The following PIP5K1A variants were observed in gnomAD, a reference collection of about 807,000 sequenced individuals.
The protein encoded by PIP5K1A is phosphatidylinositol 4-phosphate 5-kinase type-1 alpha.
In PIP5K1A, 46 loss-of-function variants were observed where a neutral mutation model predicts 72.9. The observed-to-expected ratio is 0.63, with a 90% CI of 0.50 to 0.81. PIP5K1A has a LOEUF of 0.81. Among genes scored for constraint, PIP5K1A ranks in the 30% least tolerant of loss-of-function variants. The probability of loss-of-function intolerance (pLI) is 0.00; values close to 1 mark genes in which losing one functional copy is unlikely to be tolerated. For missense variants in PIP5K1A, 458 were observed against 706.1 expected (o/e 0.65, Z 3.98); for synonymous variants, 228 against 255.1 (o/e 0.89, Z 1.01).
chr1:151,239,160 A>G lies in PIP5K1A; in HGVS notation c.1260A>G (p.Lys420=), dbSNP rs1403251880. The change falls in exon 11 of 16, where the codon AAA becomes AAG. Residue 420 remains lysine (K), a synonymous_variant. Transcript: ENST00000368888. Reference sequence around the variant, plus strand: ...TTAAGAAGTTGGAGCACTCTTGGAAAGCCCTGGTACATGACGGAGTAAGTA... The same window carrying G: ...TTAAGAAGTTGGAGCACTCTTGGAAGGCCCTGGTACATGACGGAGTAAGTA... ...RFVKKLEHSW[K]ALVHDGDTVS... 1.2e-6 allele frequency: 2 copies of G among 1,610,642 alleles called. No homozygotes were observed. Among genetic ancestry groups the G allele is most frequent in the Non-Finnish European group, 1.7e-6 (2 of 1,176,914 alleles).
chr1:151,241,468 C>T (rs977143681), intron 12 of PIP5K1A, among the ~76,000 whole-genome samples: 25 of 151,562 alleles, frequency 1.6e-4, no homozygotes, highest in Non-Finnish European at 3.0e-4. Context: ...GGCACCACTG[C>T]ACTCCAGCCT....
chr1:151,240,089 T>C (rs769072298), intron 12 of PIP5K1A, 50 bp downstream of exon 12: 2 of 1,334,792 alleles, frequency 1.5e-6, no homozygotes, highest in South Asian at 2.3e-5. Flanking sequence ...GTGGCTCCCT[T>C]ACCCCAAGAG....
chr1:151,201,837 G>C (rs1035003995), intron 1 of PIP5K1A, among the ~76,000 whole-genome samples: 2 of 152,062 alleles, frequency 1.3e-5, no homozygotes, highest in African/African-American at 4.8e-5. Context: ...ACTCCAGTCT[G>C]GGTGACAGAG....
At chr1:151,236,218 A>G (rs587669511) in intron 8 of PIP5K1A, among the ~76,000 whole-genome samples, 36 of 151,954 alleles carry the variant, frequency 2.4e-4, no homozygotes, top group Admixed American at 2.1e-3. Flanking sequence ...GGTGGCTCAT[A>G]CCAATAGTCC....
chr1:151,235,344 A>G (rs895326508), intron 8 of PIP5K1A, among the ~76,000 whole-genome samples: 2 of 152,052 alleles, frequency 1.3e-5, no homozygotes, highest in Non-Finnish European at 2.9e-5. Context: ...TGGCCTCCCA[A>G]AGTGCTAGGA....
At chr1:151,207,195 A>G (rs1393756145) in intron 1 of PIP5K1A, among the ~76,000 whole-genome samples, 1 of 152,192 alleles carries the variant, frequency 6.6e-6, no homozygotes, top group Non-Finnish European at 1.5e-5. Context: ...TTAATCCAGC[A>G]GAATTCATTG....
chr1:151,241,298 G>A (rs919439850), intron 12 of PIP5K1A, among the ~76,000 whole-genome samples: 8 of 152,200 alleles, frequency 5.3e-5, no homozygotes, highest in African/African-American at 1.9e-4. Flanking sequence ...TCCGGAGATT[G>A]AGACCATCCT....
chr1:151,242,212 C>T lies in PIP5K1A; in HGVS notation c.1453C>T (p.Pro485Ser), dbSNP rs766621452. ...SSGNSCITYQ[P>S]SVSGEHKAQV... ...TGGCAACTCCTGCATTACTTACCAG[C>T]CATCGGTCTCTGGGGAACACAAGGC... Residue 485 changes from proline to serine, a missense_variant, in exon 13 of 16, where the codon CCA (proline) becomes TCA (serine). Coordinates refer to ENST00000368888, the MANE Select transcript of PIP5K1A (RefSeq NM_001135638.2). 5.0e-6 allele frequency: 8 copies of T among 1,613,970 alleles called. No individual in the cohort carries two copies. Among genetic ancestry groups the T allele is most frequent in the South Asian group, 1.1e-5 (1 of 91,080 alleles).
At chr1:151,214,545 T>C (rs1403080093) in intron 1 of PIP5K1A, among the ~76,000 whole-genome samples, 4 of 151,944 alleles carry the variant, frequency 2.6e-5, no homozygotes, top group African/African-American at 9.7e-5. Flanking sequence ...CATGTCCAGC[T>C]AATTTTTGTG....
chr1:151,215,152 TC>T (rs1687404557), intron 1 of PIP5K1A, among the ~76,000 whole-genome samples: 1 of 149,570 alleles, frequency 6.7e-6, no homozygotes, highest in African/African-American at 2.5e-5. Context: ...TGCCTCAGCC[TC>T]CCGAGTAGCT....
chr1:151,223,975 A>T, intron 1 of PIP5K1A: 1 of 525,430 alleles, frequency 1.9e-6, no homozygotes, highest in Non-Finnish European at 3.4e-6. Context: ...CTCAAAAAAA[A>T]AGAAAAAGTT....
Position 151,248,689 on chromosome 1 carries a change from A to T in PIP5K1A, c.*824A>T, listed in dbSNP as rs1571052606. 6.6e-6 allele frequency: 1 copy of T among 152,654 alleles called. No individual in the cohort carries two copies. Among genetic ancestry groups the T allele is most frequent in the African/African-American group, 2.4e-5 (1 of 41,468 alleles). The allele number at this position is 152,654 out of a possible 1,614,324, so 9.5% of individuals were successfully genotyped here. A position where few individuals can be genotyped will look rare whatever the true frequency, so the allele number is the denominator to read the frequency against. On this transcript the variant is annotated 3_prime_UTR_variant, in exon 16 of 16. Coordinates refer to ENST00000368888, the MANE Select transcript of PIP5K1A (RefSeq NM_001135638.2). ...GGGCTGGGAGATCATAGCCCTTCCT[A>T]GGCAGAATCCTGTTCACTGCCAGGC...
At chr1:151,206,122 C>G (rs183099367) in intron 1 of PIP5K1A, among the ~76,000 whole-genome samples, 1 of 152,142 alleles carries the variant, frequency 6.6e-6, no homozygotes, top group African/African-American at 2.4e-5. Context: ...AGCTTTTATT[C>G]TTTTACTGTT....
chr1:151,199,419 C>T (rs1027729658), intron 1 of PIP5K1A, among the ~76,000 whole-genome samples: 4 of 152,004 alleles, frequency 2.6e-5, no homozygotes, highest in African/African-American at 9.7e-5. Flanking sequence ...TCGAGACGAG[C>T]CTGGCCAACA....
chr1:151,212,172 G>A (rs190438180), intron 1 of PIP5K1A, among the ~76,000 whole-genome samples: 39 of 152,082 alleles, frequency 2.6e-4, no homozygotes, highest in African/African-American at 7.5e-4. Context: ...ACATCTTTGT[G>A]GCTGGTGCGG....
At chr1:151,234,168 C>T in intron 7 of PIP5K1A, 29 bp from the exon 8 acceptor site, 1 of 1,552,570 alleles carries the variant, frequency 6.4e-7, no homozygotes, top group Non-Finnish European at 8.7e-7. Context: ...AAGTTGTTCT[C>T]CTACTTCTGT....
intron 1 of PIP5K1A, among the ~76,000 whole-genome samples, chr1:151,207,658 A>G (rs766634264): frequency 4.0e-5 from 6 of 151,230 alleles, no homozygotes; most frequent in Non-Finnish European, 7.4e-5. Flanking sequence ...CAGCCTCCCA[A>G]GTAGCTGGGA....
intron 1 of PIP5K1A, among the ~76,000 whole-genome samples, chr1:151,208,577 T>G (rs1267283086): frequency 1.3e-5 from 2 of 151,622 alleles, no homozygotes; most frequent in Non-Finnish European, 2.9e-5. Flanking sequence ...GTCAGGCTGG[T>G]CTCGAACTCC....
chr1:151,211,084 T>C (rs1297717391), intron 1 of PIP5K1A, among the ~76,000 whole-genome samples: 1 of 152,220 alleles, frequency 6.6e-6, no homozygotes, highest in Non-Finnish European at 1.5e-5. Flanking sequence ...CATCAGTAGA[T>C]GATGTCATTG....
Sources: allele counts gnomAD v4.1 joint callset (sites outside exome capture counted in the v4.1 genomes callset), GRCh38; gene constraint gnomAD v4.1.1; transcripts MANE v1.5; gene names NCBI Gene and HGNC (gene_info 2026-07-23, HGNC 2026-07-21).